The following TMEM230 variants were observed in gnomAD, a reference collection of about 807,000 sequenced individuals.
The protein encoded by TMEM230 is UPF0414 transmembrane protein C20orf30.
Under a neutral mutation model 15.8 loss-of-function variants are expected in TMEM230, and 10 were observed. The observed-to-expected ratio is 0.63, with a 90% CI of 0.39 to 1.07. The LOEUF (loss-of-function observed/expected upper bound fraction) is 1.07. TMEM230 is among the 50% of genes least tolerant of loss of function. The pLI is 0.01. For synonymous variants in TMEM230, 67 were observed against 76.9 expected, an observed-to-expected ratio of 0.87 and a Z score of 0.68; for missense variants, 165 against 193.3, an observed-to-expected ratio of 0.85 and a Z score of 0.87.
At chr20:5,112,520 G>A (rs966921763) in intron 1 of TMEM230, among the ~76,000 whole-genome samples, 4 of 152,226 alleles carry the variant, frequency 2.6e-5, no homozygotes, top group African/African-American at 9.6e-5. Context: ...AGGGAGAGGG[G>A]AGACGAATGT....
intron 1 of TMEM230, 178 bp downstream of exon 1, chr20:5,112,783 G>T: frequency 6.7e-7 from 1 of 1,484,642 alleles, no homozygotes; most frequent in Non-Finnish European, 8.9e-7. Context: ...AAGAACCGAC[G>T]CGAATTTAGA....
At chr20:5,085,549 A>T (rs1357974835) in intron 3 of TMEM230, among the ~76,000 whole-genome samples, 1 of 152,140 alleles carries the variant, frequency 6.6e-6, no homozygotes, top group Non-Finnish European at 1.5e-5. Flanking sequence ...TCGGCCTCCC[A>T]AAGTGCTGAG....
intron 3 of TMEM230, among the ~76,000 whole-genome samples, chr20:5,084,100 G>A (rs1247186326): frequency 1.3e-5 from 2 of 152,082 alleles, no homozygotes; most frequent in South Asian, 4.1e-4. Context: ...TAATAAGTGA[G>A]AATGTGTGGT....
chr20:5,111,246 A>G (rs900269253), intron 2 of TMEM230: 72 of 151,982 alleles, frequency 4.7e-4, no homozygotes, highest in African/African-American at 1.7e-3. Context: ...TAACAAAGCT[A>G]TATGATCAAA....
Position 5,093,735 on chromosome 20 carries a change from G to A in TMEM230, c.222+12453C>T, listed in dbSNP as rs561363866. Among the ~76,000 whole-genome samples, 14 of 152,004 alleles carry A rather than the reference G, an allele frequency of 9.2e-5. 1 individual carries two copies. The South Asian group carries it at 2.9e-3, about 32-fold the overall frequency. On this transcript the variant is annotated intron_variant, in intron 3 of 3. Transcript: ENST00000612323. ...TATTTTTAGTAGAGACACAGGGTTT[G>A]CCATGTTGGCCAGGCTGGTCTTCAG... is the stretch of plus-strand genomic sequence containing the variant.
At chr20:5,073,507 G>A (rs1568480270) in intron 3 of TMEM230, among the ~76,000 whole-genome samples, 1 of 152,238 alleles carries the variant, frequency 6.6e-6, no homozygotes, top group Non-Finnish European at 1.5e-5. Context: ...CCAGAGCCAG[G>A]GCCTGGCTGA....
chr20:5,106,123 A>T, intron 4 of TMEM230, 65 bp downstream of exon 3: 1 of 1,532,196 alleles, frequency 6.5e-7, no homozygotes, highest in Non-Finnish European at 8.8e-7. Context: ...ACACACACGC[A>T]CACTAGAGCC....
At chr20:5,091,304 C>G (rs1977177) in intron 3 of TMEM230, among the ~76,000 whole-genome samples, 82,325 of 151,532 alleles carry the variant, frequency 0.54, 22,848 homozygotes, top group East Asian at 0.84. Context: ...TCTGCCTCCC[C>G]GGTTCAAGTG....
chr20:5,076,994 AT>A (rs1413691912), intron 3 of TMEM230, among the ~76,000 whole-genome samples: 1 of 150,522 alleles, frequency 6.6e-6, no homozygotes, highest in African/African-American at 2.4e-5. Flanking sequence ...TATTCTTTAA[AT>A]TCATTCATAC....
intron 3 of TMEM230, among the ~76,000 whole-genome samples, chr20:5,088,799 C>T (rs769245877): frequency 6.6e-6 from 1 of 152,160 alleles, no homozygotes; most frequent in Non-Finnish European, 1.5e-5. Flanking sequence ...CAGGCGTGAG[C>T]CACCATGCCC....
chr20:5,091,170 TTTA>T (rs2089494793), intron 3 of TMEM230, among the ~76,000 whole-genome samples: 1 of 152,172 alleles, frequency 6.6e-6, no homozygotes, highest in South Asian at 2.1e-4. Flanking sequence ...AGCTAATTTT[TTTA>T]TTCTTTGTAA....
chr20:5,062,002 C>G, the TMEM230 span, among the ~76,000 whole-genome samples: 1 of 151,974 alleles, frequency 6.6e-6, no homozygotes, highest in Non-Finnish European at 1.5e-5. Flanking sequence ...GGGCAGATCA[C>G]CTGAGGTCAG....
chr20:5,086,325 G>A (rs980376919), intron 3 of TMEM230, among the ~76,000 whole-genome samples: 2 of 151,390 alleles, frequency 1.3e-5, no homozygotes, highest in Non-Finnish European at 2.9e-5. Flanking sequence ...ATCACTTGAG[G>A]TCAGGAGTTC....
At chr20:5,076,526 G>C (rs768993418) in intron 3 of TMEM230, among the ~76,000 whole-genome samples, 1 of 152,000 alleles carries the variant, frequency 6.6e-6, no homozygotes, top group Non-Finnish European at 1.5e-5. Flanking sequence ...GGCTGAAAGT[G>C]AGACTCTATC....
chr20:5,063,461 T>C (rs2088625315), downstream of TMEM230, among the ~76,000 whole-genome samples: 1 of 151,888 alleles, frequency 6.6e-6, no homozygotes, highest in Non-Finnish European at 1.5e-5. Context: ...CTAACTTTTG[T>C]ATTTTTTGGT....
chr20:5,071,831 C>A (rs1199358370), intron 3 of TMEM230, among the ~76,000 whole-genome samples: 1 of 151,932 alleles, frequency 6.6e-6, no homozygotes, highest in Non-Finnish European at 1.5e-5. Context: ...ACTTCTGCCT[C>A]CTGGGTTCAA....
chr20:5,082,222 TTCTCTCTCTCTTTCTCTCTCTC>T (rs1355626704), intron 3 of TMEM230, among the ~76,000 whole-genome samples: 1 of 120,378 alleles, frequency 8.3e-6, no homozygotes, highest in Non-Finnish European at 1.9e-5. Context: ...AAAGCCTTGT[TTCTCTCTCTCTTTCTCTCTCTC>T]TCTCTCTCTT....
chr20:5,066,703 C>A (rs1362556964), downstream of TMEM230, among the ~76,000 whole-genome samples: 1 of 150,754 alleles, frequency 6.6e-6, no homozygotes, highest in African/African-American at 2.4e-5. Flanking sequence ...AAACCCCAAA[C>A]ATACCCAAGG....
rs1491287027 is a variant in TMEM230, at chr20:5,106,077, A to AC, written c.411+110_411+111insG. ...AAAAAAACAGACCACTGGGACGGAC[A>AC]AACACACACACACACACACACACAC... On this transcript the variant is annotated intron_variant, in intron 4 of 4. Transcript: ENST00000342308. 2.1e-3 allele frequency: 721 copies of AC among 342,776 alleles called. 47 individuals are homozygous for AC. Among genetic ancestry groups the AC allele is most frequent in the African/African-American group, 0.02 (60 of 3,040 alleles). 21.2% of individuals were successfully genotyped at this position (342,776 alleles called of 1,614,324 possible).
Sources: gnomAD v4.1 joint callset for allele counts (sites outside exome capture counted in the v4.1 genomes callset) on GRCh38, gnomAD v4.1.1 for gene constraint, MANE v1.5 for transcripts, NCBI Gene and HGNC (gene_info 2026-07-23, HGNC 2026-07-21) for gene names.